Variants in RBFOX1 observed in about 807,000 individuals in gnomAD.
The protein encoded by RBFOX1 is RNA binding protein fox-1 homolog 1.
A neutral mutation model predicts 57.7 loss-of-function variants in RBFOX1; 8 were observed. That is an observed-to-expected ratio of 0.14 (90% CI 0.08 to 0.25). The LOEUF is 0.25. Ranked by LOEUF, RBFOX1 falls within the 10% of genes least tolerant of loss-of-function variation. The pLI is 1.00. For synonymous variants in RBFOX1, 326 were observed against 222.4 expected (o/e 1.47, Z -4.15); for missense variants, 611 against 548.5 (o/e 1.11, Z -1.14).
intron 4 of RBFOX1, among the ~76,000 whole-genome samples, chr16:7,294,197 A>G (rs555202558): frequency 1.5e-3 from 222 of 152,140 alleles, no homozygotes; most frequent in Non-Finnish European, 2.6e-3. Context: ...ATTAGGAGAA[A>G]TCACCACTTA....
intron 1 of RBFOX1, among the ~76,000 whole-genome samples, chr16:5,397,688 A>C (rs1474902044): frequency 6.6e-6 from 1 of 152,214 alleles, no homozygotes; most frequent in Admixed American, 6.5e-5. Context: ...ACATCACCCA[A>C]ATGCTACGTG....
chr16:6,746,781 C>T (rs2345492), intron 3 of RBFOX1, among the ~76,000 whole-genome samples: 146,874 of 152,172 alleles, frequency 0.97, 71,098 homozygotes, highest in East Asian at 1. Context: ...ATAATCAATA[C>T]TTATATATTT....
chr16:6,511,504 A>G (rs989223887), intron 2 of RBFOX1, among the ~76,000 whole-genome samples: 15 of 152,322 alleles, frequency 9.8e-5, no homozygotes, highest in African/African-American at 3.6e-4. Flanking sequence ...ATTAGTTTTC[A>G]TGTCTGCAGA....
chr16:5,639,796 C>A (rs2048801873), intron 3 of RBFOX1, among the ~76,000 whole-genome samples: 1 of 152,144 alleles, frequency 6.6e-6, no homozygotes, highest in African/African-American at 2.4e-5. Context: ...TTTCCAGTCC[C>A]CTGGGCTGGT....
intron 4 of RBFOX1, among the ~76,000 whole-genome samples, chr16:7,215,674 GC>G (rs1410113060): frequency 5.3e-5 from 8 of 151,110 alleles, no homozygotes; most frequent in Non-Finnish European, 1.0e-4. Context: ...GTTCCCCAAT[GC>G]TAGGCCACCA....
chr16:6,899,105 GT>G (rs1159665524), intron 3 of RBFOX1, among the ~76,000 whole-genome samples: 1 of 151,202 alleles, frequency 6.6e-6, no homozygotes, highest in East Asian at 1.9e-4. Context: ...GTGTACATCT[GT>G]GTATACGTGT....
At chr16:6,805,773 G>A (rs2086621110) in intron 3 of RBFOX1, among the ~76,000 whole-genome samples, 1 of 152,140 alleles carries the variant, frequency 6.6e-6, no homozygotes, top group South Asian at 2.1e-4. Context: ...AGTCTGAAGT[G>A]TAACACCCAA....
At position 6,844,373 on chromosome 16, in the gene RBFOX1, C is replaced by T. The variant is rs142234328; in HGVS notation, c.-16+189723C>T. Reference sequence around the variant, plus strand: ...TTTCCTTCCCCTCAGCAGATCCCCACGCCCATTGTTCTCTCCCATGTGCCC... The same window carrying T: ...TTTCCTTCCCCTCAGCAGATCCCCATGCCCATTGTTCTCTCCCATGTGCCC... On this transcript the variant is annotated intron_variant, in intron 3 of 15. Transcript: ENST00000550418. Among the ~76,000 whole-genome samples, 1,009 of 152,186 alleles carry T rather than the reference C, an allele frequency of 6.6e-3. 14 individuals carry two copies. Among genetic ancestry groups the T allele is most frequent in the African/African-American group, 0.022 (895 of 41,526 alleles).
exon 1 of RBFOX1, chr16:5,239,838 C>G (rs1298912412): frequency 1.5e-4 from 169 of 1,152,704 alleles, no homozygotes; most frequent in Middle Eastern, 2.8e-4. Context: ...AGAGGCCGCT[C>G]GCGCCGGGTC....
intron 3 of RBFOX1, among the ~76,000 whole-genome samples, chr16:5,863,508 C>T (rs747433767): frequency 6.6e-6 from 1 of 152,198 alleles, no homozygotes; most frequent in Non-Finnish European, 1.5e-5. Context: ...GCTTGCCCAG[C>T]GTGCAGTCCA....
intron 4 of RBFOX1, among the ~76,000 whole-genome samples, chr16:5,965,087 G>C (rs73518257): frequency 1.3e-5 from 2 of 151,924 alleles, no homozygotes; most frequent in African/African-American, 4.8e-5. Flanking sequence ...TAAAAATGTC[G>C]AACCCATAGA....
intron 4 of RBFOX1, among the ~76,000 whole-genome samples, chr16:7,357,284 G>C (rs989483025): frequency 4.6e-5 from 7 of 151,248 alleles, no homozygotes; most frequent in Non-Finnish European, 8.8e-5. Context: ...CTGTGGGTAA[G>C]AAGGTTCTTG....
At chr16:6,127,609 A>C (rs1019217821) in intron 1 of RBFOX1, among the ~76,000 whole-genome samples, 3 of 152,192 alleles carry the variant, frequency 2.0e-5, no homozygotes, top group African/African-American at 7.2e-5. Flanking sequence ...CTTTTCAAAT[A>C]ATTCTGTTCT....
At chr16:7,608,413 C>T (rs756750927) in intron 10 of RBFOX1, among the ~76,000 whole-genome samples, 30 of 152,186 alleles carry the variant, frequency 2.0e-4, no homozygotes, top group African/African-American at 4.3e-4. Flanking sequence ...CTGGATTTTA[C>T]GTAGGCGATG....
At chr16:6,720,411 C>A (rs1050299854) in intron 3 of RBFOX1, among the ~76,000 whole-genome samples, 1 of 152,170 alleles carries the variant, frequency 6.6e-6, no homozygotes, top group Admixed American at 6.5e-5. Context: ...ATGTAAATCT[C>A]TTTCTTTATA....
intron 2 of RBFOX1, among the ~76,000 whole-genome samples, chr16:6,613,718 C>G (rs1012437873): frequency 6.6e-6 from 1 of 152,176 alleles, no homozygotes; most frequent in East Asian, 1.9e-4. Context: ...GGGCAGATCA[C>G]TCGAGGCCAA....
chr16:6,002,560 G>A (rs2060620166), intron 4 of RBFOX1, among the ~76,000 whole-genome samples: 1 of 152,168 alleles, frequency 6.6e-6, no homozygotes, highest in Non-Finnish European at 1.5e-5. Flanking sequence ...TGAGAGAAGT[G>A]AATCCATAAT....
Position 6,801,091 on chromosome 16 carries a change from C to T in RBFOX1, c.-16+146441C>T, listed in dbSNP as rs372019458. Reference sequence around the variant, plus strand: ...GAGGACTTGTTAAAAGTGCGGATTGCCATTCAGTAGATCTGGGGATTGACC... The same window carrying T: ...GAGGACTTGTTAAAAGTGCGGATTGTCATTCAGTAGATCTGGGGATTGACC... On this transcript the variant is annotated intron_variant, in intron 3 of 15. Transcript: ENST00000550418. Among the ~76,000 whole-genome samples, 7 of 151,768 alleles carry T rather than the reference C, an allele frequency of 4.6e-5. No homozygotes were observed. The South Asian group carries it at 1.3e-3, about 27-fold the overall frequency.
At chr16:6,236,495 C>A (rs973899799) in intron 1 of RBFOX1, among the ~76,000 whole-genome samples, 1 of 151,448 alleles carries the variant, frequency 6.6e-6, no homozygotes, top group Non-Finnish European at 1.5e-5. Context: ...AGTGCAGCAG[C>A]GCCATCTCGG....
Sources: gnomAD v4.1 joint callset for allele counts (sites outside exome capture counted in the v4.1 genomes callset) on GRCh38, gnomAD v4.1.1 for gene constraint, MANE v1.5 for transcripts, NCBI Gene and HGNC (gene_info 2026-07-23, HGNC 2026-07-21) for gene names.